Variants in NAP1L4 observed in about 807,000 individuals in gnomAD.
The protein encoded by NAP1L4 is nucleosome assembly protein 1 like 4.
NAP1L4 carries 15 observed loss-of-function variants against 58.2 expected under a neutral mutation model. The observed-to-expected ratio is 0.26, with a 90% CI of 0.17 to 0.40. NAP1L4 has a LOEUF of 0.40. Among genes scored for constraint, NAP1L4 ranks in the 10% least tolerant of loss-of-function variants. NAP1L4 has a pLI of 1.00. For synonymous variants in NAP1L4, 171 were observed against 155.6 expected (o/e 1.10, Z -0.74); for missense variants, 384 against 451.1 (o/e 0.85, Z 1.35).
intron 1 of NAP1L4, chr11:2,991,262 G>T (rs1483348819): frequency 2.4e-6 from 1 of 411,336 alleles, no homozygotes; most frequent in African/African-American, 2.1e-5. Flanking sequence ...AACTGTGGAC[G>T]GTGGAAAGTC....
rs1475057768 is a variant in NAP1L4, at chr11:2,955,603, C to T, written c.915+141G>A. 2 of 776,790 alleles carry T rather than the reference C, an allele frequency of 2.6e-6. No homozygotes were observed. The highest frequency in any genetic ancestry group is 2.5e-5 in the Admixed American group (1 of 39,872). 48.1% of individuals were successfully genotyped at this position (776,790 alleles called of 1,614,324 possible). A position where few individuals can be genotyped will look rare whatever the true frequency, so the allele number is the denominator to read the frequency against. ...CTGGACTCGTGCAGTCCTCCCACCTCAGCCTCCCAAAGCATTAAGATCACT... is the reference window on the plus strand; with the variant it reads ...CTGGACTCGTGCAGTCCTCCCACCTTAGCCTCCCAAAGCATTAAGATCACT... On this transcript the variant is annotated intron_variant, in intron 11 of 15. Transcript: ENST00000380542. This position sits in a 1 kb window ranked among gnomAD's most constrained non-coding sequence, Gnocchi z 4.2.
rs796663618 is a variant in NAP1L4, at chr11:2,945,663, C to A, written c.*33-17G>T. ...GGGTTCCTTCTGTCAATGAAAAAGA[C>A]AAGGCTTGTAGAGAGCAAAGCCAGC... On this transcript the variant is annotated splice_polypyrimidine_tract_variant and intron_variant, in intron 15 of 15. Coordinates refer to ENST00000380542, the MANE Select transcript of NAP1L4 (RefSeq NM_005969.4). 1.0e-5 allele frequency: 16 copies of A among 1,535,696 alleles called. No individual in the cohort carries two copies. In the African/African-American group the frequency reaches 2.2e-4, roughly 21 times the overall value.
intron 2 of NAP1L4, 78 bp downstream of exon 2, chr11:2,979,129 T>A: frequency 7.1e-7 from 1 of 1,409,760 alleles, no homozygotes. Context: ...TGATTCTAAT[T>A]ATTTATTGAA....
At chr11:2,963,975 G>A (rs1564979915) in intron 8 of NAP1L4, 6 of 495,686 alleles carry the variant, frequency 1.2e-5, no homozygotes, top group Admixed American at 1.2e-4. Flanking sequence ...AAAAGTAAGG[G>A]CTGACCTAGT....
intron 4 of NAP1L4, among the ~76,000 whole-genome samples, chr11:2,974,032 T>A (rs1847805939): frequency 1.3e-5 from 2 of 152,230 alleles, no homozygotes; most frequent in Admixed American, 6.5e-5. Flanking sequence ...CCTCCCAAAG[T>A]GCTAGGATTA....
intron 10 of NAP1L4, 127 bp downstream of exon 10, chr11:2,958,272 A>C (rs1408552079): frequency 1.1e-6 from 1 of 934,652 alleles, no homozygotes; most frequent in African/African-American, 1.6e-5. Flanking sequence ...GGACACAGCA[A>C]TGTGCCCCTA....
At position 2,946,513 on chromosome 11, in the gene NAP1L4, C is replaced by T. The variant is rs1845947399; in HGVS notation, c.*33-867G>A. Among the ~76,000 whole-genome samples the T allele has an allele frequency of 1.3e-5, 2 of 152,136 alleles. No homozygotes were observed. Among genetic ancestry groups the T allele is most frequent in the Admixed American group, 1.3e-4 (2 of 15,272 alleles). On this transcript the variant is annotated intron_variant, in intron 15 of 15. Coordinates refer to ENST00000380542, the MANE Select transcript of NAP1L4 (RefSeq NM_005969.4). The surrounding 1 kb of genome is among the most constrained non-coding windows in gnomAD (Gnocchi z 4.8). ...CGAACCTGTAACCTATGATTTCTGGCTAAGATTACAAATTGCCCTTAATCC... is the reference window on the plus strand; with the variant it reads ...CGAACCTGTAACCTATGATTTCTGGTTAAGATTACAAATTGCCCTTAATCC...
At chr11:2,983,848 G>A (rs954617198) in intron 1 of NAP1L4, 1 of 151,172 alleles carries the variant, frequency 6.6e-6, no homozygotes, top group Non-Finnish European at 1.5e-5. Flanking sequence ...AATTAGCCAG[G>A]CATGGTGGTG....
intron 1 of NAP1L4, among the ~76,000 whole-genome samples, chr11:2,981,413 T>G (rs1195287866): frequency 2.1e-5 from 1 of 47,452 alleles, no homozygotes; most frequent in Non-Finnish European, 3.8e-5. Flanking sequence ...GCAAGTACCC[T>G]GTCTCAAAAA....
At chr11:2,957,569 G>C (rs907453765) in intron 10 of NAP1L4, among the ~76,000 whole-genome samples, 10 of 152,152 alleles carry the variant, frequency 6.6e-5, no homozygotes, top group African/African-American at 2.4e-4. Flanking sequence ...TTAGTTCATG[G>C]AAACTAAAGA....
chr11:2,979,310 C>T (rs1435226348), intron 1 of NAP1L4, 73 bp from the exon 2 acceptor site: 33 of 1,298,400 alleles, frequency 2.5e-5, no homozygotes, highest in Admixed American at 5.7e-5. Flanking sequence ...TTTTAAACAA[C>T]GGTTATCTGT....
At position 2,955,362 on chromosome 11, in the gene NAP1L4, AT is replaced by A. The variant is rs3216309; in HGVS notation, c.915+381del. Among the ~76,000 whole-genome samples the A allele has an allele frequency of 2.9e-3, 412 of 143,700 alleles. No individual in the cohort carries two copies. Among genetic ancestry groups the A allele is most frequent in the Non-Finnish European group, 4.1e-3 (266 of 64,904 alleles). 94.3% of individuals were successfully genotyped at this position (143,700 alleles called of 152,430 possible). A position where few individuals can be genotyped will look rare whatever the true frequency, so the allele number is the denominator to read the frequency against. On this transcript the variant is annotated intron_variant, in intron 11 of 15. Coordinates refer to ENST00000380542, the MANE Select transcript of NAP1L4 (RefSeq NM_005969.4). This position sits in a 1 kb window ranked among gnomAD's most constrained non-coding sequence, Gnocchi z 4.2. ...CAGGCGCTGCCACCGTGTCCAACTA[AT>A]TTTTTTTTTTTTTGGTATTTTAAGC...
In NAP1L4 at chr11:2,954,545, G is replaced by A. The variant is rs770343515; in HGVS notation, c.1017C>T (p.Ala339=). Reference sequence around the variant, plus strand: ...CTCATACATTGTCATCATCTTCTATGGCCTCCCCAGTGAAGTACAGCACAG... The same window carrying A: ...CTCATACATTGTCATCATCTTCTATAGCCTCCCCAGTGAAGTACAGCACAG... ...PRAVLYFTGE[A]IEDDDNFEEG... The change falls in exon 12 of 16, where the codon GCC becomes GCT. Residue 339 remains alanine (A), a synonymous_variant. Coordinates refer to ENST00000380542, the MANE Select transcript of NAP1L4 (RefSeq NM_005969.4). This position sits in a 1 kb window ranked among gnomAD's most constrained non-coding sequence, Gnocchi z 4.8. 6.2e-7 allele frequency: 1 copy of A among 1,614,188 alleles called. No individual in the cohort carries two copies. The highest frequency in any genetic ancestry group is 8.5e-7 in the Non-Finnish European group (1 of 1,180,042).
Position 2,944,869 on chromosome 11 carries a change from T to TG in NAP1L4, c.*809dup, listed in dbSNP as rs1845860686. 1 of 152,200 alleles carries TG rather than the reference T, an allele frequency of 6.6e-6. No homozygotes were observed. Among genetic ancestry groups the TG allele is most frequent in the South Asian group, 2.1e-4 (1 of 4,834 alleles). 9.4% of individuals were successfully genotyped at this position (152,200 alleles called of 1,614,324 possible). On this transcript the variant is annotated 3_prime_UTR_variant, in exon 16 of 16. Transcript: ENST00000380542. ...AGCGGCGTTTCTTCCGCACAGGCCT[T>TG]GCGCCTGCTAGGAAGTGGCACATCT...
At chr11:2,960,410 T>G (rs770202966) in intron 8 of NAP1L4, among the ~76,000 whole-genome samples, 2 of 152,030 alleles carry the variant, frequency 1.3e-5, no homozygotes, top group Non-Finnish European at 2.9e-5. Flanking sequence ...AAAGGACAAA[T>G]CTCTACAAGG....
rs1846753931 is a variant in NAP1L4 at position 2,959,863 on chromosome 11, T to G, written c.653A>C (p.Asn218Thr). ...CTTGTAGGTTTTTGTCAGGACTGAG[T>G]TGGTAAAGTAGTCGTTGGGTTCAAA... ...FHFEPNDYFT[N>T]SVLTKTYKMK... is the part of the protein sequence containing the mutation. The change falls in exon 9 of 16, where the codon AAC becomes ACC. Residue 218 changes from asparagine (N) to threonine (T), a missense_variant. Physicochemically the swap from Asn to Thr is moderately conservative, Grantham distance 65 (BLOSUM62 0). Around this residue, in one of 3 missense-constraint regions of NAP1L4, gnomAD observed 296 missense variants for 360.8 expected, o/e 0.82. Coordinates refer to ENST00000380542, the MANE Select transcript of NAP1L4 (RefSeq NM_005969.4). The surrounding 1 kb of genome is among the most constrained non-coding windows in gnomAD (Gnocchi z 4.9). 1.9e-6 allele frequency: 3 copies of G among 1,614,098 alleles called. No individual in the cohort carries two copies. Among genetic ancestry groups the G allele is most frequent in the South Asian group, 2.2e-5 (2 of 91,082 alleles).
chr11:2,970,849 C>A (rs1399125349), intron 6 of NAP1L4, among the ~76,000 whole-genome samples: 1 of 65,606 alleles, frequency 1.5e-5, no homozygotes, highest in South Asian at 3.3e-4. Flanking sequence ...TCATATACCA[C>A]CCCCCCCCCA....
At chr11:2,958,687 G>C (rs1158002083) in intron 9 of NAP1L4, 143 bp from the exon 10 acceptor site, 1 of 794,512 alleles carries the variant, frequency 1.3e-6, no homozygotes, top group Admixed American at 3.1e-5. Context: ...AATGGCCCAT[G>C]AAGTTCATCT....
Position 2,971,590 on chromosome 11 carries a change from A to G in NAP1L4, c.316-56T>C. On this transcript the variant is annotated intron_variant, in intron 5 of 15. Transcript: ENST00000380542. The surrounding 1 kb of genome is among the most constrained non-coding windows in gnomAD (Gnocchi z 4.2). ...TGTTATTAGCTTACTTAGGAACTCA[A>G]GAGTTAAATTTATAAATAATGTCTA... 1 of 1,395,980 alleles carries G rather than the reference A, an allele frequency of 7.2e-7. No homozygotes were observed. Among genetic ancestry groups the G allele is most frequent in the African/African-American group, 1.4e-5 (1 of 69,908 alleles). 86.5% of individuals were successfully genotyped at this position (1,395,980 alleles called of 1,614,324 possible).
Sources: allele counts gnomAD v4.1 joint callset (sites outside exome capture counted in the v4.1 genomes callset), GRCh38; gene constraint gnomAD v4.1.1; regional missense constraint gnomAD v4.1.1; non-coding constraint Gnocchi (gnomAD v3.1); transcripts MANE v1.5; gene names NCBI Gene and HGNC (gene_info 2026-07-23, HGNC 2026-07-21).